SNTG2: variants seen among roughly 807,000 people sequenced by gnomAD.
SNTG2 encodes the protein gamma-2-syntrophin.
Under a neutral mutation model 70.9 loss-of-function variants are expected in SNTG2, and 74 were observed. The ratio of observed to expected loss-of-function variants is 1.04; its 90% CI spans 0.86 to 1.27. The LOEUF is 1.27. Ranked by LOEUF, SNTG2 falls within the 50% of genes most tolerant of loss-of-function variation. SNTG2 has a pLI of 0.00. For missense variants in SNTG2, 717 were observed against 690.7 expected (o/e 1.04, Z -0.43); for synonymous variants, 278 against 273.8 (o/e 1.02, Z -0.15).
chr2:1,175,616 TC>T (rs1671421874), intron 8 of SNTG2, among the ~76,000 whole-genome samples: 2 of 152,354 alleles, frequency 1.3e-5, no homozygotes, highest in East Asian at 1.9e-4. Flanking sequence ...TTTAATATTT[TC>T]CTACAGAGTC....
At chr2:1,229,766 G>C (rs1676070381) in intron 9 of SNTG2, among the ~76,000 whole-genome samples, 1 of 152,270 alleles carries the variant, frequency 6.6e-6, no homozygotes, top group South Asian at 2.1e-4. Context: ...CCAAGGCCCA[G>C]TGAGAAATTG....
At chr2:1,167,097 A>G (rs1670761051) in intron 7 of SNTG2, among the ~76,000 whole-genome samples, 2 of 152,248 alleles carry the variant, frequency 1.3e-5, no homozygotes, top group Admixed American at 6.5e-5. Context: ...TCCTTGCGAT[A>G]AGGCAGAGGG....
chr2:1,075,803 A>G (rs1247296898), intron 1 of SNTG2, among the ~76,000 whole-genome samples: 1 of 152,220 alleles, frequency 6.6e-6, no homozygotes, highest in Non-Finnish European at 1.5e-5. Flanking sequence ...TAACATGAAA[A>G]TATCCATAAA....
intron 1 of SNTG2, among the ~76,000 whole-genome samples, chr2:964,352 C>A (rs1454508749): frequency 3.9e-5 from 6 of 152,194 alleles, no homozygotes. Flanking sequence ...CCGCCTGCCT[C>A]CGCCCCTTCG....
chr2:1,120,656 A>G (rs1667321917), intron 4 of SNTG2, among the ~76,000 whole-genome samples: 1 of 152,220 alleles, frequency 6.6e-6, no homozygotes, highest in Non-Finnish European at 1.5e-5. Context: ...CACAAGAGAC[A>G]AAGAAGGCCT....
intron 4 of SNTG2, among the ~76,000 whole-genome samples, chr2:1,111,663 A>C (rs151000329): frequency 4.9e-4 from 75 of 152,352 alleles, no homozygotes; most frequent in African/African-American, 1.6e-3. Flanking sequence ...TGTCCTTCAA[A>C]TTACTTCAAG....
chr2:1,279,316 T>C (rs1416281828), intron 14 of SNTG2, among the ~76,000 whole-genome samples: 1 of 152,284 alleles, frequency 6.6e-6, no homozygotes, highest in Non-Finnish European at 1.5e-5. Flanking sequence ...TGGTATACAG[T>C]AATAATTGTT....
chr2:985,686 T>G (rs1244040239), intron 1 of SNTG2, among the ~76,000 whole-genome samples: 3 of 152,170 alleles, frequency 2.0e-5, no homozygotes, highest in African/African-American at 7.2e-5. Context: ...TTTATGGTAT[T>G]CTTGCCTACA....
intron 11 of SNTG2, among the ~76,000 whole-genome samples, chr2:1,244,147 G>T (rs1217396425): frequency 1.3e-5 from 2 of 152,192 alleles, no homozygotes; most frequent in East Asian, 3.9e-4. Flanking sequence ...ATCTAATTAG[G>T]CTGTGACCCT....
chr2:1,165,072 A>G (rs1349326855), intron 6 of SNTG2, among the ~76,000 whole-genome samples: 1 of 152,242 alleles, frequency 6.6e-6, no homozygotes, highest in South Asian at 2.1e-4. Context: ...TCCAGCACAG[A>G]GCTAAGTTCC....
At chr2:1,243,416 T>C (rs1296964550) in intron 11 of SNTG2, among the ~76,000 whole-genome samples, 3 of 150,842 alleles carry the variant, frequency 2.0e-5, no homozygotes, top group Admixed American at 6.6e-5. Flanking sequence ...AGAGTAACTC[T>C]GCTCAATCAG....
At chr2:1,304,782 C>CT (rs925863234) in intron 14 of SNTG2, among the ~76,000 whole-genome samples, 8 of 148,314 alleles carry the variant, frequency 5.4e-5, no homozygotes, top group African/African-American at 7.4e-5. Flanking sequence ...TTTTTTCTTT[C>CT]TTTTTTTAAC....
intron 1 of SNTG2, among the ~76,000 whole-genome samples, chr2:975,924 C>T (rs1660893519): frequency 6.6e-6 from 1 of 152,142 alleles, no homozygotes; most frequent in Admixed American, 6.5e-5. Context: ...TAAGCCAAAA[C>T]AAGAAAAGTA....
intron 1 of SNTG2, among the ~76,000 whole-genome samples, chr2:956,292 G>A (rs933219098): frequency 2.9e-5 from 4 of 139,138 alleles, no homozygotes; most frequent in Non-Finnish European, 6.2e-5. Flanking sequence ...CTCCCCCTGC[G>A]CCTGCCCCTG....
chr2:1,025,832 A>AT (rs1196041654), intron 1 of SNTG2, among the ~76,000 whole-genome samples: 1 of 152,132 alleles, frequency 6.6e-6, no homozygotes, highest in Non-Finnish European at 1.5e-5. Context: ...AGATGTGGAT[A>AT]TTTTTGTGGG....
chr2:1,205,224 A>G (rs1215363973), intron 8 of SNTG2, among the ~76,000 whole-genome samples: 1 of 152,194 alleles, frequency 6.6e-6, no homozygotes, highest in Non-Finnish European at 1.5e-5. Context: ...AGTTTATATT[A>G]AACTGGGAAC....
At chr2:1,225,522 G>A (rs985440686) in intron 9 of SNTG2, among the ~76,000 whole-genome samples, 1 of 152,034 alleles carries the variant, frequency 6.6e-6, no homozygotes, top group Admixed American at 6.6e-5. Flanking sequence ...CCTTGTGTCC[G>A]GTCCTCTCTT....
chr2:1,026,232 C>T (rs1660473401), intron 1 of SNTG2, among the ~76,000 whole-genome samples: 1 of 152,170 alleles, frequency 6.6e-6, no homozygotes, highest in East Asian at 1.9e-4. Flanking sequence ...AATTGAACCC[C>T]ACTCTAGCAT....
At chr2:1,021,857 A>C (rs1037877530) in intron 1 of SNTG2, among the ~76,000 whole-genome samples, 1 of 150,460 alleles carries the variant, frequency 6.6e-6, no homozygotes, top group Non-Finnish European at 1.5e-5. Flanking sequence ...GCCTCAAGTC[A>C]TCCTCCTGCC....
Sources: gnomAD v4.1 joint callset for allele counts (sites outside exome capture counted in the v4.1 genomes callset) on GRCh38, gnomAD v4.1.1 for gene constraint, MANE v1.5 for transcripts, NCBI Gene and HGNC (gene_info 2026-07-23, HGNC 2026-07-21) for gene names.